The following ZFPM2 variants were observed in gnomAD, a reference collection of about 807,000 sequenced individuals.
The protein encoded by ZFPM2 is zinc finger protein ZFPM2.
In ZFPM2, 20 loss-of-function variants were observed where a neutral mutation model predicts 98.6. The observed-to-expected ratio is 0.20, with a 90% confidence interval of 0.14 to 0.29. The LOEUF (loss-of-function observed/expected upper bound fraction) is 0.29. Ranked by LOEUF, ZFPM2 falls within the 10% of genes least tolerant of loss-of-function variation. The pLI is 1.00. For synonymous variants in ZFPM2, 518 were observed against 502.7 expected (o/e 1.03, Z -0.41); for missense variants, 1,310 against 1,388.6 (o/e 0.94, Z 0.90).
At chr8:105,767,138 A>G (rs1047391099) in intron 5 of ZFPM2, among the ~76,000 whole-genome samples, 1 of 151,784 alleles carries the variant, frequency 6.6e-6, no homozygotes, top group African/African-American at 2.4e-5. Context: ...TGGAGGGGTT[A>G]GGGGTGCAGT....
intron 3 of ZFPM2, among the ~76,000 whole-genome samples, chr8:105,527,853 A>T (rs1033445049): frequency 8.5e-5 from 13 of 152,164 alleles, no homozygotes; most frequent in Non-Finnish European, 1.9e-4. Flanking sequence ...GAAGCATTAG[A>T]ATTATGTCTT....
intron 3 of ZFPM2, among the ~76,000 whole-genome samples, chr8:105,509,449 G>C (rs1282104794): frequency 5.9e-5 from 9 of 152,102 alleles, no homozygotes; most frequent in African/African-American, 1.4e-4. Context: ...TTGTTCATGC[G>C]ATATGGTGCC....
chr8:105,492,224 C>G (rs1184904949), intron 3 of ZFPM2, among the ~76,000 whole-genome samples: 1 of 152,154 alleles, frequency 6.6e-6, no homozygotes, highest in Non-Finnish European at 1.5e-5. Flanking sequence ...TCTTAAAACA[C>G]TAGTCTCCAC....
chr8:105,524,030 C>T (rs1012904234), intron 3 of ZFPM2, among the ~76,000 whole-genome samples: 5 of 152,112 alleles, frequency 3.3e-5, no homozygotes, highest in African/African-American at 1.2e-4. Context: ...CTGTATCTAC[C>T]TAGAGTTACT....
intron 4 of ZFPM2, chr8:105,616,789 G>A (rs1033562385): frequency 1.2e-4 from 31 of 250,346 alleles, no homozygotes; most frequent in African/African-American, 7.0e-4. Flanking sequence ...AGGCCCAGGC[G>A]GGTGGATCAC....
chr8:105,540,116 T>C (rs1432196133), intron 3 of ZFPM2, among the ~76,000 whole-genome samples: 10 of 152,174 alleles, frequency 6.6e-5, no homozygotes, highest in Non-Finnish European at 1.5e-4. Context: ...TCTCTCTCTG[T>C]GTTTTCATAC....
intron 5 of ZFPM2, among the ~76,000 whole-genome samples, chr8:105,655,223 C>CTTTTT (rs34262627): frequency 4.1e-4 from 31 of 76,096 alleles, no homozygotes; most frequent in South Asian, 5.4e-4. Flanking sequence ...TGCATTGAGT[C>CTTTTT]TTTTTTTTTT....
chr8:105,687,736 C>T (rs1434434040), intron 5 of ZFPM2, among the ~76,000 whole-genome samples: 1 of 152,012 alleles, frequency 6.6e-6, no homozygotes, highest in South Asian at 2.1e-4. Context: ...AAAATTAGAT[C>T]CTGAACTTGA....
chr8:105,630,582 A>G (rs897736091), intron 4 of ZFPM2, among the ~76,000 whole-genome samples: 3 of 152,180 alleles, frequency 2.0e-5, no homozygotes, highest in African/African-American at 7.2e-5. Flanking sequence ...AATAAATCCA[A>G]TTCTACTTGT....
chr8:105,534,054 T>C (rs1359765066), intron 3 of ZFPM2, among the ~76,000 whole-genome samples: 62 of 16,304 alleles, frequency 3.8e-3, no homozygotes, highest in South Asian at 9.3e-3. Context: ...CTTCCTCCCT[T>C]CCTCCCTCCC....
chr8:105,466,383 T>TA (rs1812796398), intron 3 of ZFPM2, among the ~76,000 whole-genome samples: 1 of 152,080 alleles, frequency 6.6e-6, no homozygotes, highest in Admixed American at 6.6e-5. Context: ...CAAAACTTAC[T>TA]ATAAATTAAT....
intron 1 of ZFPM2, among the ~76,000 whole-genome samples, chr8:105,319,359 C>A (rs1418501732): frequency 6.6e-6 from 1 of 152,138 alleles, no homozygotes; most frequent in Non-Finnish European, 1.5e-5. Flanking sequence ...GTGCGATTGA[C>A]GTGGGACTAC....
intron 4 of ZFPM2, among the ~76,000 whole-genome samples, chr8:105,633,054 A>C (rs1446578913): frequency 6.6e-6 from 1 of 152,234 alleles, no homozygotes. Context: ...TTTGCAGTTA[A>C]CAATGGATCA....
intron 1 of ZFPM2, among the ~76,000 whole-genome samples, chr8:105,359,616 C>T (rs1377216540): frequency 6.6e-6 from 1 of 152,052 alleles, no homozygotes; most frequent in Non-Finnish European, 1.5e-5. Context: ...CCTCATGATC[C>T]ACCCGCCTCA....
intron 5 of ZFPM2, among the ~76,000 whole-genome samples, chr8:105,656,072 C>T (rs1226777938): frequency 6.6e-6 from 1 of 152,070 alleles, no homozygotes; most frequent in African/African-American, 2.4e-5. Context: ...AATTCCTATA[C>T]TCATGAGCTA....
intron 5 of ZFPM2, among the ~76,000 whole-genome samples, chr8:105,770,749 G>A (rs1003667279): frequency 1.1e-4 from 17 of 152,086 alleles, no homozygotes; most frequent in African/African-American, 4.1e-4. Flanking sequence ...CAATAGTAAA[G>A]CATTCTAGGC....
intron 4 of ZFPM2, among the ~76,000 whole-genome samples, chr8:105,621,605 C>T (rs763593612): frequency 6.6e-6 from 1 of 152,084 alleles, no homozygotes; most frequent in Non-Finnish European, 1.5e-5. Flanking sequence ...ATATGTGTTG[C>T]ACTTTCCAAA....
chr8:105,649,198 G>A (rs997998207), intron 5 of ZFPM2, among the ~76,000 whole-genome samples: 3 of 152,134 alleles, frequency 2.0e-5, no homozygotes, highest in African/African-American at 4.8e-5. Flanking sequence ...TTGGTGTATA[G>A]GAATGCTTGT....
At chr8:105,694,061 ACTGCAAGC>A (rs913196284) in intron 5 of ZFPM2, among the ~76,000 whole-genome samples, 6 of 137,038 alleles carry the variant, frequency 4.4e-5, no homozygotes, top group African/African-American at 1.7e-4. Flanking sequence ...ATCTCGGCTC[ACTGCAAGC>A]TCTGCCTCTC....
Sources: gnomAD v4.1 joint callset for allele counts (sites outside exome capture counted in the v4.1 genomes callset) on GRCh38, gnomAD v4.1.1 for gene constraint, MANE v1.5 for transcripts, NCBI Gene and HGNC (gene_info 2026-07-23, HGNC 2026-07-21) for gene names.